The following CNTNAP2 variants were observed in gnomAD, a reference collection of about 807,000 sequenced individuals.
CNTNAP2 encodes contactin associated protein 2.
CNTNAP2 carries 98 observed loss-of-function variants against 155.2 expected under a neutral mutation model. That is an observed-to-expected ratio of 0.63 (90% CI 0.54 to 0.75). The LOEUF (loss-of-function observed/expected upper bound fraction) is 0.75. CNTNAP2 is among the 30% of genes least tolerant of loss of function. CNTNAP2 has a pLI of 0.00. For synonymous variants in CNTNAP2, 651 were observed against 631.2 expected, an observed-to-expected ratio of 1.03 and a Z score of -0.47; for missense variants, 1,727 against 1,688.1, an observed-to-expected ratio of 1.02 and a Z score of -0.40.
chr7:147,805,038 G>A (rs1211984128), intron 13 of CNTNAP2, among the ~76,000 whole-genome samples: 1 of 151,918 alleles, frequency 6.6e-6, no homozygotes, highest in African/African-American at 2.4e-5. Context: ...CTTTCCAACA[G>A]CTTCCTCTCA....
intron 21 of CNTNAP2, among the ~76,000 whole-genome samples, chr7:148,338,074 A>G (rs1477387797): frequency 6.6e-6 from 1 of 152,206 alleles, no homozygotes; most frequent in East Asian, 1.9e-4. Flanking sequence ...TTTCCCTTAC[A>G]TCCTTTGTTG....
intron 3 of CNTNAP2, among the ~76,000 whole-genome samples, chr7:146,972,087 G>T (rs912786044): frequency 6.6e-6 from 1 of 152,056 alleles, no homozygotes; most frequent in Non-Finnish European, 1.5e-5. Flanking sequence ...TGACTGACAA[G>T]ATAACCAGCT....
intron 15 of CNTNAP2, among the ~76,000 whole-genome samples, chr7:148,061,836 T>TAGAC (rs1383809278): frequency 3.1e-5 from 2 of 63,632 alleles, no homozygotes; most frequent in East Asian, 8.8e-4. Flanking sequence ...TCTAGATACC[T>TAGAC]AGATAGTTAG....
At chr7:146,407,543 G>A (rs1244757339) in intron 1 of CNTNAP2, among the ~76,000 whole-genome samples, 1 of 152,128 alleles carries the variant, frequency 6.6e-6, no homozygotes, top group African/African-American at 2.4e-5. Flanking sequence ...GGCTACGCAA[G>A]CTTTGATTGA....
chr7:146,949,061 A>G (rs1046609204), intron 3 of CNTNAP2, among the ~76,000 whole-genome samples: 1 of 152,162 alleles, frequency 6.6e-6, no homozygotes, highest in African/African-American at 2.4e-5. Context: ...ACACTGCAAG[A>G]GCTCCTCCCA....
chr7:147,490,126 C>A (rs1455467262), intron 11 of CNTNAP2, among the ~76,000 whole-genome samples: 2 of 152,038 alleles, frequency 1.3e-5, no homozygotes, highest in African/African-American at 4.8e-5. Context: ...TTTTGCAGAT[C>A]TTTTTATTAA....
intron 3 of CNTNAP2, among the ~76,000 whole-genome samples, chr7:146,889,984 C>T (rs1436635083): frequency 2.0e-5 from 3 of 152,226 alleles, no homozygotes; most frequent in South Asian, 2.1e-4. Context: ...CCTAGCCAAG[C>T]GTCTATCACT....
At chr7:147,466,967 G>A (rs4604348) in intron 10 of CNTNAP2, among the ~76,000 whole-genome samples, 118,719 of 152,186 alleles carry the variant, frequency 0.78, 46,664 homozygotes, top group African/African-American at 0.87. Flanking sequence ...TCTGCCTTGG[G>A]AGAATATCTT....
chr7:147,910,673 T>C lies in CNTNAP2; in HGVS notation c.2255+6952T>C, dbSNP rs796611021. On this transcript the variant is annotated intron_variant, in intron 14 of 23. Coordinates refer to ENST00000361727, the MANE Select transcript of CNTNAP2 (RefSeq NM_014141.6). Reference sequence around the variant, plus strand: ...GGGAAAAGTAAAGCCACGTCTTACATGGCTGCAGGCAAGAGAACTTGTGCA... The same window carrying C: ...GGGAAAAGTAAAGCCACGTCTTACACGGCTGCAGGCAAGAGAACTTGTGCA... Among the ~76,000 whole-genome samples the C allele has an allele frequency of 5.9e-5, 9 of 152,294 alleles. 1 individual carries two copies. Among genetic ancestry groups the C allele is most frequent in the African/African-American group, 2.2e-4 (9 of 41,564 alleles).
intron 15 of CNTNAP2, among the ~76,000 whole-genome samples, chr7:148,081,532 TC>T (rs1803603574): frequency 1.3e-5 from 2 of 152,110 alleles, no homozygotes; most frequent in African/African-American, 4.8e-5. Context: ...CTTCCTGCCC[TC>T]AAACATTGGA....
chr7:146,633,656 C>A (rs1270123897), intron 1 of CNTNAP2, among the ~76,000 whole-genome samples: 1 of 151,402 alleles, frequency 6.6e-6, no homozygotes, highest in Non-Finnish European at 1.5e-5. Context: ...GGTACCATAG[C>A]GTCTCCACTA....
At chr7:147,666,272 C>T (rs1426497590) in intron 13 of CNTNAP2, among the ~76,000 whole-genome samples, 2 of 152,156 alleles carry the variant, frequency 1.3e-5, no homozygotes, top group Non-Finnish European at 1.5e-5. Flanking sequence ...TGCATAACAA[C>T]ATTTCGGTCA....
intron 4 of CNTNAP2, among the ~76,000 whole-genome samples, chr7:147,090,573 A>G (rs1238312839): frequency 6.6e-6 from 1 of 152,174 alleles, no homozygotes; most frequent in Non-Finnish European, 1.5e-5. Context: ...TAGAATTAAA[A>G]TAATTTAATC....
intron 4 of CNTNAP2, among the ~76,000 whole-genome samples, chr7:147,095,464 G>C (rs1800510926): frequency 1.3e-5 from 2 of 151,508 alleles, no homozygotes; most frequent in African/African-American, 4.8e-5. Flanking sequence ...TAGGAATTTT[G>C]GGAGGACACA....
At chr7:146,928,195 G>T (rs77319138) in intron 3 of CNTNAP2, among the ~76,000 whole-genome samples, 2,206 of 152,018 alleles carry the variant, frequency 0.015, 58 homozygotes, top group African/African-American at 0.05. Flanking sequence ...GTGTCCAAAA[G>T]TTCTAATGGG....
At chr7:146,882,916 CAG>C (rs1302966092) in intron 3 of CNTNAP2, among the ~76,000 whole-genome samples, 4 of 152,098 alleles carry the variant, frequency 2.6e-5, no homozygotes, top group African/African-American at 9.7e-5. Context: ...TGAAAGAAAT[CAG>C]AGATGATGCA....
chr7:147,601,987 T>C (rs1800955928), intron 12 of CNTNAP2, among the ~76,000 whole-genome samples: 1 of 152,150 alleles, frequency 6.6e-6, no homozygotes. Context: ...TGGTATGGTC[T>C]AGAGATTTGA....
chr7:148,247,643 A>ATTT (rs1563010572), intron 20 of CNTNAP2, among the ~76,000 whole-genome samples: 2 of 129,718 alleles, frequency 1.5e-5, no homozygotes, highest in Admixed American at 7.5e-5. Flanking sequence ...TTATTTATTT[A>ATTT]TTTATTTATT....
intron 8 of CNTNAP2, among the ~76,000 whole-genome samples, chr7:147,263,600 T>C (rs1345909504): frequency 6.6e-6 from 1 of 152,224 alleles, no homozygotes; most frequent in African/African-American, 2.4e-5. Flanking sequence ...ATTTGACTTA[T>C]ACATAATATT....
Sources: gnomAD v4.1 joint callset for allele counts (sites outside exome capture counted in the v4.1 genomes callset) on GRCh38, gnomAD v4.1.1 for gene constraint, MANE v1.5 for transcripts, NCBI Gene and HGNC (gene_info 2026-07-23, HGNC 2026-07-21) for gene names.